Variants in BMPR1B observed in about 807,000 individuals in gnomAD.
The protein encoded by BMPR1B is bone morphogenetic protein receptor type 1B.
Under a neutral mutation model 59.1 loss-of-function variants are expected in BMPR1B, and 12 were observed. The ratio of observed to expected loss-of-function variants is 0.20; its 90% CI spans 0.13 to 0.33. The LOEUF (loss-of-function observed/expected upper bound fraction) is 0.33, where lower values mean the gene tolerates loss of function less well. Among genes scored for constraint, BMPR1B ranks in the 10% least tolerant of loss-of-function variants. The pLI, the probability that BMPR1B is intolerant of heterozygous loss-of-function variation, is 1.00. For missense variants in BMPR1B, 550 were observed against 610.9 expected (o/e 0.90, Z 1.05); for synonymous variants, 237 against 207.3 (o/e 1.14, Z -1.23).
chr4:95,123,889 A>G lies in BMPR1B; in HGVS notation c.429A>G (p.Ile143Met). 1 of 1,610,860 alleles carries G rather than the reference A, an allele frequency of 6.2e-7. No homozygotes were observed. The highest frequency in any genetic ancestry group is 1.3e-5 in the African/African-American group (1 of 74,898). Residue 143 changes from isoleucine to methionine, a missense_variant, in exon 7 of 13, where the codon ATA (isoleucine) becomes ATG (methionine). Coordinates refer to ENST00000515059, the MANE Select transcript of BMPR1B (RefSeq NM_001203.3). ...TVCSLLLVLI[I>M]LFCYFRYKRQ... ...GTAGTTTGCTCTTGGTCCTTATCAT[A>G]TTATTTTGTTACTTCCGGTAAGTTT... is the stretch of plus-strand genomic sequence containing the variant.
chr4:95,130,911 G>T (rs184564522), intron 9 of BMPR1B, among the ~76,000 whole-genome samples: 2 of 151,760 alleles, frequency 1.3e-5, no homozygotes, highest in East Asian at 3.9e-4. Context: ...TGTATTTTTA[G>T]TAGAGATGGG....
intron 3 of BMPR1B, among the ~76,000 whole-genome samples, chr4:95,092,810 A>G (rs1256654657): frequency 2.6e-5 from 4 of 151,906 alleles, no homozygotes; most frequent in African/African-American, 9.7e-5. Flanking sequence ...ATATGCATCT[A>G]TAAAATAGTT....
chr4:94,760,801 A>C (rs935747153), intron 1 of BMPR1B, among the ~76,000 whole-genome samples: 14 of 152,362 alleles, frequency 9.2e-5, no homozygotes, highest in African/African-American at 3.4e-4. Context: ...ATAGATACTC[A>C]AGAAATCCTT....
intron 3 of BMPR1B, among the ~76,000 whole-genome samples, chr4:95,047,658 TG>T (rs1213263646): frequency 6.6e-6 from 1 of 152,064 alleles, no homozygotes; most frequent in Non-Finnish European, 1.5e-5. Flanking sequence ...GAGTCAAGGG[TG>T]GGGTTGATTA....
chr4:94,958,365 G>A (rs1208025919), intron 2 of BMPR1B, among the ~76,000 whole-genome samples: 1 of 152,166 alleles, frequency 6.6e-6, no homozygotes, highest in Admixed American at 6.5e-5. Flanking sequence ...AGACTGGGTG[G>A]CTGAAACAAC....
At chr4:95,082,006 T>C (rs999999920) in intron 3 of BMPR1B, among the ~76,000 whole-genome samples, 2 of 152,010 alleles carry the variant, frequency 1.3e-5, no homozygotes, top group African/African-American at 4.8e-5. Context: ...TATTATACTT[T>C]AAGTTTAGGG....
chr4:94,922,642 A>G (rs921577587), intron 2 of BMPR1B, among the ~76,000 whole-genome samples: 6 of 152,094 alleles, frequency 3.9e-5, no homozygotes, highest in Non-Finnish European at 8.8e-5. Flanking sequence ...ATTATGATAT[A>G]TATTACAATT....
intron 3 of BMPR1B, among the ~76,000 whole-genome samples, chr4:95,016,296 A>G (rs967787446): frequency 6.6e-6 from 1 of 152,154 alleles, no homozygotes; most frequent in African/African-American, 2.4e-5. Context: ...ATGTGTTACC[A>G]TTTGAAAGTT....
At position 95,066,526 on chromosome 4, in the gene BMPR1B, T is replaced by C. The variant is rs573388837; in HGVS notation, c.-17-37882T>C. On this transcript the variant is annotated intron_variant, in intron 3 of 12. Transcript: ENST00000515059. ...TAGCATACAGGTTAGGTAAAGTTTC[T>C]TTCTTCTGTTTCTAGAGCTTGTAAA... is the stretch of plus-strand genomic sequence containing the variant. Among the ~76,000 whole-genome samples, 4 of 152,332 alleles carry C rather than the reference T, an allele frequency of 2.6e-5. No homozygotes were observed. In the East Asian group the frequency reaches 5.8e-4, roughly 22 times the overall value.
At chr4:94,770,186 G>GTT (rs56902521) in intron 1 of BMPR1B, among the ~76,000 whole-genome samples, 3 of 54,128 alleles carry the variant, frequency 5.5e-5, no homozygotes, top group East Asian at 1.9e-3. Context: ...TTCTGTGTTT[G>GTT]TTTTTTTTTT....
intron 2 of BMPR1B, among the ~76,000 whole-genome samples, chr4:94,878,653 G>C (rs1726833359): frequency 6.6e-6 from 1 of 151,510 alleles, no homozygotes; most frequent in African/African-American, 2.4e-5. Flanking sequence ...CTCCATTTTG[G>C]TCTTGTCTGG....
intron 10 of BMPR1B, among the ~76,000 whole-genome samples, chr4:95,135,547 G>T (rs951996649): frequency 2.0e-4 from 30 of 152,120 alleles, no homozygotes; most frequent in Non-Finnish European, 4.4e-5. Flanking sequence ...TTGAGCAGTG[G>T]TTTGTAGTTC....
intron 1 of BMPR1B, among the ~76,000 whole-genome samples, chr4:94,871,818 T>A (rs569385381): frequency 6.6e-6 from 1 of 152,238 alleles, no homozygotes; most frequent in East Asian, 1.9e-4. Context: ...GATGCATTAC[T>A]GAAATACTTT....
rs139872191 is a variant in BMPR1B at position 95,131,501 on chromosome 4, T to A, written c.1065T>A (p.Val355=). The A allele has an allele frequency of 4.4e-4, 709 of 1,614,070 alleles. 2 individuals are homozygous for A. In the Middle Eastern group the frequency reaches 5.1e-3, roughly 12 times the overall value. Reference sequence around the variant, plus strand: ...GTATTGCTGACCTGGGCCTGGCTGTTAAATTTATTAGGTTAGTATCAAAGT... The same window carrying A: ...GTATTGCTGACCTGGGCCTGGCTGTAAAATTTATTAGGTTAGTATCAAAGT... ...TCCIADLGLA[V]KFISDTNEVD... is the part of the protein sequence containing the mutation. The change falls in exon 10 of 13, where the codon GTT becomes GTA. Residue 355 remains valine (V), a synonymous_variant. Coordinates refer to ENST00000515059, the MANE Select transcript of BMPR1B (RefSeq NM_001203.3).
At chr4:95,106,216 C>G (rs1373908943) in intron 4 of BMPR1B, among the ~76,000 whole-genome samples, 1 of 151,844 alleles carries the variant, frequency 6.6e-6, no homozygotes, top group Non-Finnish European at 1.5e-5. Flanking sequence ...ACCTGGTGGG[C>G]TATATTAAGA....
At chr4:94,814,695 G>A (rs1723943123) in intron 1 of BMPR1B, among the ~76,000 whole-genome samples, 1 of 152,138 alleles carries the variant, frequency 6.6e-6, no homozygotes, top group Non-Finnish European at 1.5e-5. Context: ...AAATGTTGGT[G>A]TATTTTTATC....
At chr4:94,985,070 G>A (rs1721315045) in intron 2 of BMPR1B, among the ~76,000 whole-genome samples, 2 of 152,148 alleles carry the variant, frequency 1.3e-5, no homozygotes, top group African/African-American at 4.8e-5. Flanking sequence ...TACGTTAAGA[G>A]AGCATAAGGT....
chr4:95,085,806 T>TA (rs1370671910), intron 3 of BMPR1B, among the ~76,000 whole-genome samples: 1 of 152,180 alleles, frequency 6.6e-6, no homozygotes, highest in Non-Finnish European at 1.5e-5. Context: ...ATGAAGAACT[T>TA]AGAAAAAGTG....
At chr4:94,939,124 C>T (rs1485158438) in intron 2 of BMPR1B, among the ~76,000 whole-genome samples, 1 of 152,120 alleles carries the variant, frequency 6.6e-6, no homozygotes, top group Non-Finnish European at 1.5e-5. Flanking sequence ...GTTTTTAGGG[C>T]TCTGACATCC....
Sources: gnomAD v4.1 joint callset for allele counts (sites outside exome capture counted in the v4.1 genomes callset) on GRCh38, gnomAD v4.1.1 for gene constraint, MANE v1.5 for transcripts, NCBI Gene and HGNC (gene_info 2026-07-23, HGNC 2026-07-21) for gene names.